Variants in TGM1 observed in about 807,000 individuals in gnomAD.
The protein encoded by TGM1 is transglutaminase 1, also known as protein-glutamine gamma-glutamyltransferase K.
Under a neutral mutation model 88.7 loss-of-function variants are expected in TGM1, and 63 were observed. The observed-to-expected ratio is 0.71, with a 90% CI of 0.58 to 0.88. The LOEUF (loss-of-function observed/expected upper bound fraction) is 0.88. Ranked by LOEUF, TGM1 falls within the 40% of genes least tolerant of loss-of-function variation. The pLI is 0.00. For synonymous variants in TGM1, 415 were observed against 431.1 expected, an observed-to-expected ratio of 0.96 and a Z score of 0.46; for missense variants, 996 against 1,118.0, an observed-to-expected ratio of 0.89 and a Z score of 1.56.
At chr14:24,254,032 CT>C in intron 14 of TGM1, 119 bp downstream of exon 14, 1 of 1,437,368 alleles carries the variant, frequency 7.0e-7, no homozygotes, top group African/African-American at 1.4e-5. Context: ...CCCCAACCTG[CT>C]TGGTTGGGTC....
Position 24,254,236 on chromosome 14 carries a change from T to C in TGM1, c.2141A>G (p.Lys714Arg), listed in dbSNP as rs201733667. The C allele has an allele frequency of 4.3e-6, 7 of 1,614,060 alleles. No homozygotes were observed. Among genetic ancestry groups the C allele is most frequent in the South Asian group, 1.1e-5 (1 of 91,052 alleles). Residue 714 changes from lysine (K) to arginine (R), a missense_variant, in exon 14 of 15, where the codon AAG (lysine) becomes AGG (arginine). Transcript: ENST00000206765. Reference protein sequence around the residue: ...GQECEVQIVFKNPLPVTLTNV... With the variant: ...GQECEVQIVFRNPLPVTLTNV... ...GGTGAGGGTGACGGGAAGGGGGTTC[T>C]TGAAGACAATCTGTACTTCACACTC...
intron 9 of TGM1, among the ~76,000 whole-genome samples, chr14:24,257,727 C>T (rs534614983): frequency 6.6e-6 from 1 of 152,304 alleles, no homozygotes; most frequent in East Asian, 1.9e-4. Flanking sequence ...CAAAAATATA[C>T]ATTGTTAGCA....
chr14:24,261,603 A>G, intron 3 of TGM1, 92 bp downstream of exon 3: 1 of 1,486,286 alleles, frequency 6.7e-7, no homozygotes, highest in Non-Finnish European at 9.4e-7. Flanking sequence ...GGAGTGGGGC[A>G]GGGAGGAGCC....
intron 14 of TGM1, among the ~76,000 whole-genome samples, chr14:24,252,473 C>A (rs552074504): frequency 6.6e-6 from 1 of 152,238 alleles, no homozygotes; most frequent in African/African-American, 2.4e-5. Context: ...GAACCTCCCC[C>A]CACCATGGTG....
chr14:24,261,620 CCT>C, intron 3 of TGM1, 73 bp downstream of exon 3: 1 of 1,581,128 alleles, frequency 6.3e-7, no homozygotes, highest in Non-Finnish European at 8.7e-7. Context: ...AGCCTAAAGA[CCT>C]CTCTGACCCT....
intron 14 of TGM1, among the ~76,000 whole-genome samples, chr14:24,251,904 C>T (rs764561867): frequency 6.6e-6 from 1 of 152,146 alleles, no homozygotes; most frequent in East Asian, 1.9e-4. Context: ...GCAGACTGAC[C>T]ACTCTGAGGA....
At position 24,259,612 on chromosome 14, in the gene TGM1, T is replaced by C; in HGVS notation, c.984+92A>G. On this transcript the variant is annotated intron_variant, in intron 6 of 14. Transcript: ENST00000206765. This position sits in a 1 kb window ranked among gnomAD's most constrained non-coding sequence, Gnocchi z 5.7. ...AGGGCAGGGACAGGGCTGGGGGTTC[T>C]TGAGGAATCCAGAAAGGGCAGGAGG... 6.3e-6 allele frequency: 7 copies of C among 1,113,988 alleles called. No individual in the cohort carries two copies. The highest frequency in any genetic ancestry group is 9.3e-6 in the Non-Finnish European group (7 of 753,650). 69.0% of individuals were successfully genotyped at this position (1,113,988 alleles called of 1,614,324 possible). A position where few individuals can be genotyped will look rare whatever the true frequency, so the allele number is the denominator to read the frequency against.
intron 14 of TGM1, among the ~76,000 whole-genome samples, chr14:24,251,875 C>A (rs1566375115): frequency 6.6e-6 from 1 of 152,172 alleles, no homozygotes; most frequent in Non-Finnish European, 1.5e-5. Flanking sequence ...TCTGCAAAGT[C>A]AAATCTACCC....
At position 24,260,564 on chromosome 14, in the gene TGM1, C is replaced by T. The variant is rs772025093; in HGVS notation, c.643G>A (p.Ala215Thr). The change falls in exon 4 of 15, where the codon GCC becomes ACC. Residue 215 changes from alanine to threonine, a missense_variant. Ala to Thr is a moderately conservative substitution (Grantham distance 58, BLOSUM62 0). Transcript: ENST00000206765. ...LNLRVHTSPN[A>T]IIGKFQFTVR... ...GTGAACTGAAACTTGCCGATGATGG[C>T]GTTGGGGGAAGTGTGGACCCGCAGG... The T allele has an allele frequency of 4.4e-5, 71 of 1,614,116 alleles. 1 individual carries two copies. Among genetic ancestry groups the T allele is most frequent in the Admixed American group, 3.7e-4 (22 of 60,010 alleles).
In TGM1 at chr14:24,262,103, C is replaced by A. The variant is rs1430637159; in HGVS notation, c.250G>T (p.Gly84Cys). ...SSGTRRPGSR[G>C]SDSRRPVSRG... ...GATACAGGCCGGCGGGAGTCTGAGC[C>A]CCGGGAGCCAGGTCTTCGAGTGCCA... The change falls in exon 2 of 15, where the codon GGC (glycine) becomes TGC (cysteine). Residue 84 changes from glycine to cysteine, a missense_variant. Transcript: ENST00000206765. The A allele has an allele frequency of 6.2e-7, 1 of 1,613,430 alleles. No homozygotes were observed. The highest frequency in any genetic ancestry group is 8.5e-7 in the Non-Finnish European group (1 of 1,180,048).
intron 14 of TGM1, among the ~76,000 whole-genome samples, chr14:24,251,181 G>T (rs748110645): frequency 6.6e-6 from 1 of 152,144 alleles, no homozygotes; most frequent in South Asian, 2.1e-4. Context: ...AAGGAGGGAG[G>T]CAGGGATATA....
chr14:24,250,487 C>G (rs543674190), intron 14 of TGM1, among the ~76,000 whole-genome samples: 1 of 152,282 alleles, frequency 6.6e-6, no homozygotes, highest in East Asian at 1.9e-4. Context: ...ACTTGCACAG[C>G]CTCATCACCC....
Position 24,259,423 on chromosome 14 carries a change from C to T in TGM1, c.985-174G>A, listed in dbSNP as rs914790830. Reference sequence around the variant, plus strand: ...AGCCCTTCCCTCAGCCATCTGCCCCCCTCCCACCCGGGCTCTGACACAGGA... The same window carrying T: ...AGCCCTTCCCTCAGCCATCTGCCCCTCTCCCACCCGGGCTCTGACACAGGA... On this transcript the variant is annotated intron_variant, in intron 6 of 14. Transcript: ENST00000206765. The surrounding 1 kb of genome is among the most constrained non-coding windows in gnomAD (Gnocchi z 5.7). Among the ~76,000 whole-genome samples the T allele has an allele frequency of 6.6e-6, 1 of 152,232 alleles. No individual in the cohort carries two copies. Among genetic ancestry groups the T allele is most frequent in the Non-Finnish European group, 1.5e-5 (1 of 68,034 alleles).
intron 14 of TGM1, among the ~76,000 whole-genome samples, chr14:24,250,179 T>TGTGTGTGTGTGAGAGAGAGAGAGAGA (rs138497842): frequency 7.1e-6 from 1 of 140,700 alleles, no homozygotes; most frequent in African/African-American, 2.7e-5. Context: ...TGTGTGTGTG[T>TGTGTGTGTGTGAGAGAGAGAGAGAGA]GAGAGAGACA....
rs1297093834 is a variant in TGM1 at position 24,262,295 on chromosome 14, G to C, written c.58C>G (p.Pro20Ala). The C allele has an allele frequency of 3.1e-6, 5 of 1,613,582 alleles. No individual in the cohort carries two copies. Among genetic ancestry groups the C allele is most frequent in the Non-Finnish European group, 4.2e-6 (5 of 1,180,016 alleles). The change falls in exon 2 of 15, where the codon CCT becomes GCT. Residue 20 changes from proline (P) to alanine (A), a missense_variant. Physicochemically the swap from Pro to Ala is conservative, Grantham distance 27. Transcript: ENST00000206765. ...TCTGGCTCTGGAGATGGCGTGGTAGGGGGCTGCAAGGGGTTGCCACCCCAA... is the reference window on the plus strand; with the variant it reads ...TCTGGCTCTGGAGATGGCGTGGTAGCGGGCTGCAAGGGGTTGCCACCCCAA... ...GRWGGNPLQP[P>A]TTPSPEPEPE...
chr14:24,260,008 T>C lies in TGM1; in HGVS notation c.808A>G (p.Asn270Asp), dbSNP rs1355149907. 6.2e-7 allele frequency: 1 copy of C among 1,613,990 alleles called. No homozygotes were observed. The highest frequency in any genetic ancestry group is 8.5e-7 in the Non-Finnish European group (1 of 1,180,026). Reference protein sequence around the residue: ...HEDWRQEYVLNESGRIYYGTE... With the variant: ...HEDWRQEYVLDESGRIYYGTE... ...CCGTAGTAAATTCTCCCAGACTCAT[T>C]AAGAACATACTCCTGCCGCCAATCC... Residue 270 changes from asparagine to aspartate, a missense_variant, in exon 5 of 15, where the codon AAT becomes GAT. Physicochemically the swap from Asn to Asp is conservative, Grantham distance 23. Transcript: ENST00000206765.
chr14:24,254,899 C>T (rs2040735113), intron 12 of TGM1, 73 bp downstream of exon 12: 3 of 1,612,712 alleles, frequency 1.9e-6, no homozygotes, highest in Admixed American at 1.7e-5. Context: ...CCCCACTGCT[C>T]CTGGGGTCTC....
At chr14:24,256,935 G>A (rs1420293538) in intron 9 of TGM1, among the ~76,000 whole-genome samples, 1 of 152,162 alleles carries the variant, frequency 6.6e-6, no homozygotes, top group Non-Finnish European at 1.5e-5. Flanking sequence ...ACCATATATG[G>A]TATCTATTAC....
chr14:24,257,024 C>T (rs1304169570), intron 9 of TGM1, among the ~76,000 whole-genome samples: 1 of 152,230 alleles, frequency 6.6e-6, no homozygotes, highest in East Asian at 1.9e-4. Context: ...AGTGATCAGG[C>T]TGGGATCAAG....
Sources: allele counts gnomAD v4.1 joint callset (sites outside exome capture counted in the v4.1 genomes callset), GRCh38; gene constraint gnomAD v4.1.1; non-coding constraint Gnocchi (gnomAD v3.1); transcripts MANE v1.5; gene names NCBI Gene and HGNC (gene_info 2026-07-23, HGNC 2026-07-21).